FANCC: variants seen among roughly 807,000 people sequenced by gnomAD.
The protein encoded by FANCC is FA complementation group C.
A neutral mutation model predicts 71.3 loss-of-function variants in FANCC; 55 were observed. The ratio of observed to expected loss-of-function variants is 0.77; its 90% confidence interval spans 0.62 to 0.97. The LOEUF is 0.97. FANCC is among the 50% of genes least tolerant of loss of function. The pLI is 0.00. For missense variants in FANCC, 678 were observed against 670.9 expected, an observed-to-expected ratio of 1.01 and a Z score of -0.12; for synonymous variants, 275 against 244.9, an observed-to-expected ratio of 1.12 and a Z score of -1.15.
At chr9:95,155,997 A>AT (rs969051686) in intron 6 of FANCC, among the ~76,000 whole-genome samples, 1 of 150,374 alleles carries the variant, frequency 6.7e-6, no homozygotes, top group Non-Finnish European at 1.5e-5. Flanking sequence ...AATTGCTGGG[A>AT]TTACAGGAGT....
chr9:95,149,996 T>G lies in FANCC; in HGVS notation c.613A>C (p.Ile205Leu). ...TCCTGAGGTTCACGTCCATGACAGA[T>G]GAGGAGAGCCTCCACCAGGGGGTCA... ...DVDPLVEALL[I>L]CHGREPQEIL... The change falls in exon 7 of 15, where the codon ATC (isoleucine) becomes CTC (leucine). Residue 205 changes from isoleucine (I) to leucine (L), a missense_variant. Ile to Leu is a conservative substitution (Grantham distance 5, BLOSUM62 2). Coordinates refer to ENST00000289081, the MANE Select transcript of FANCC (RefSeq NM_000136.3). The G allele has an allele frequency of 6.2e-7, 1 of 1,613,874 alleles. No individual in the cohort carries two copies. Among genetic ancestry groups the G allele is most frequent in the Non-Finnish European group, 8.5e-7 (1 of 1,179,956 alleles).
chr9:95,151,319 C>T (rs781369082), intron 6 of FANCC, among the ~76,000 whole-genome samples: 4 of 152,104 alleles, frequency 2.6e-5, no homozygotes, highest in Non-Finnish European at 5.9e-5. Context: ...TCAACAAATC[C>T]GTCTCCAGTG....
chr9:95,178,319 C>T (rs572882524), intron 4 of FANCC, among the ~76,000 whole-genome samples: 48 of 152,328 alleles, frequency 3.2e-4, no homozygotes, highest in Non-Finnish European at 6.3e-4. Flanking sequence ...AACGTCCAGA[C>T]ATGTGCCAGA....
intron 4 of FANCC, among the ~76,000 whole-genome samples, chr9:95,212,699 G>T (rs79583806): frequency 3.3e-5 from 5 of 152,132 alleles, no homozygotes; most frequent in Non-Finnish European, 7.4e-5. Flanking sequence ...AAACAGAAAA[G>T]ATTTTTTCCT....
chr9:95,190,601 G>A (rs1000370712), intron 4 of FANCC, among the ~76,000 whole-genome samples: 6 of 152,082 alleles, frequency 3.9e-5, no homozygotes, highest in African/African-American at 1.2e-4. Flanking sequence ...CCCACTCAGC[G>A]GTGCCCTGGG....
intron 4 of FANCC, among the ~76,000 whole-genome samples, chr9:95,190,599 G>A (rs1023234876): frequency 3.9e-5 from 6 of 152,166 alleles, no homozygotes; most frequent in Admixed American, 1.3e-4. Flanking sequence ...TGCCCACTCA[G>A]CGGTGCCCTG....
chr9:95,166,332 G>C (rs1034367212), intron 6 of FANCC, among the ~76,000 whole-genome samples: 1 of 151,804 alleles, frequency 6.6e-6, no homozygotes, highest in Non-Finnish European at 1.5e-5. Flanking sequence ...GGGTTTCATT[G>C]ATTTTTTTCA....
At chr9:95,234,318 C>T (rs969913139) in intron 4 of FANCC, among the ~76,000 whole-genome samples, 4 of 152,072 alleles carry the variant, frequency 2.6e-5, no homozygotes, top group Non-Finnish European at 5.9e-5. Context: ...AAATTTATGC[C>T]GTGCCAGGTA....
chr9:95,108,343 G>A (rs991602531), intron 13 of FANCC, among the ~76,000 whole-genome samples: 1 of 152,170 alleles, frequency 6.6e-6, no homozygotes, highest in Non-Finnish European at 1.5e-5. Context: ...CAGCCTGCCG[G>A]GTCTGATGGT....
chr9:95,281,286 T>C (rs1833370363), intron 1 of FANCC, among the ~76,000 whole-genome samples: 1 of 152,028 alleles, frequency 6.6e-6, no homozygotes, highest in Non-Finnish European at 1.5e-5. Flanking sequence ...GAGAGGATCC[T>C]GAAAGCAGCA....
At chr9:95,171,812 C>A (rs1179717585) in intron 5 of FANCC, among the ~76,000 whole-genome samples, 1 of 152,172 alleles carries the variant, frequency 6.6e-6, no homozygotes, top group East Asian at 1.9e-4. Flanking sequence ...GAAAGAGAGG[C>A]TGATTGGTTG....
At chr9:95,220,728 G>A (rs1829198554) in intron 4 of FANCC, among the ~76,000 whole-genome samples, 1 of 152,104 alleles carries the variant, frequency 6.6e-6, no homozygotes, top group Non-Finnish European at 1.5e-5. Flanking sequence ...TGGGGTAGGG[G>A]GAGAGGGGAG....
intron 1 of FANCC, among the ~76,000 whole-genome samples, chr9:95,281,794 G>A (rs1833398121): frequency 6.6e-6 from 1 of 151,960 alleles, no homozygotes. Context: ...TGGGGGAGTG[G>A]AGTTAAAGAG....
At chr9:95,245,361 T>C (rs1830899720) in intron 3 of FANCC, among the ~76,000 whole-genome samples, 1 of 151,990 alleles carries the variant, frequency 6.6e-6, no homozygotes, top group Non-Finnish European at 1.5e-5. Context: ...ATAGTCCCTC[T>C]TTATCAATGG....
rs1224773580 is a variant in FANCC at position 95,268,236 on chromosome 9, G to C, written c.-78-18867C>G. ...TCCTTGTAATAGATAACTCACTCTG[G>C]ATTTAAATTTATCTTCTTTGCCCAC... is the stretch of plus-strand genomic sequence containing the variant. On this transcript the variant is annotated intron_variant, in intron 1 of 14. Coordinates refer to ENST00000289081, the MANE Select transcript of FANCC (RefSeq NM_000136.3). 1.3e-5 allele frequency among the ~76,000 whole-genome samples: 2 copies of C among 152,206 alleles called. 1 individual carries two copies. The highest frequency in any genetic ancestry group is 4.1e-4 in the South Asian group (2 of 4,834).
At chr9:95,296,798 C>T (rs941404887) in intron 1 of FANCC, among the ~76,000 whole-genome samples, 5 of 152,292 alleles carry the variant, frequency 3.3e-5, no homozygotes, top group East Asian at 1.9e-4. Flanking sequence ...TGGATTGAAG[C>T]GGGCTAGCTC....
chr9:95,139,279 G>C (rs1366656157), intron 7 of FANCC, among the ~76,000 whole-genome samples: 1 of 152,170 alleles, frequency 6.6e-6, no homozygotes, highest in Non-Finnish European at 1.5e-5. Context: ...GCGCTGAGGA[G>C]AGTGACAACA....
At position 95,247,549 on chromosome 9, in the gene FANCC, G is replaced by C. The variant is rs780611960; in HGVS notation, c.166-33C>G. 2.1e-6 allele frequency: 3 copies of C among 1,424,230 alleles called. No individual in the cohort carries two copies. In the Admixed American group the frequency reaches 5.0e-5, roughly 24 times the overall value. 88.2% of individuals were successfully genotyped at this position (1,424,230 alleles called of 1,614,324 possible). On this transcript the variant is annotated intron_variant, in intron 2 of 14. Coordinates refer to ENST00000289081, the MANE Select transcript of FANCC (RefSeq NM_000136.3). ...AGAAAAATAAATTTTGGTCAGTAAA[G>C]GCATTATGCAACTTAGAAATACTGA...
At chr9:95,245,042 CCCA>C (rs1371634042) in intron 3 of FANCC, among the ~76,000 whole-genome samples, 1 of 152,040 alleles carries the variant, frequency 6.6e-6, no homozygotes, top group East Asian at 1.9e-4. Context: ...CATAAACCTC[CCCA>C]CGTTTCTCAC....
Sources: allele counts gnomAD v4.1 joint callset (sites outside exome capture counted in the v4.1 genomes callset), GRCh38; gene constraint gnomAD v4.1.1; transcripts MANE v1.5; gene names NCBI Gene and HGNC (gene_info 2026-07-23, HGNC 2026-07-21).